The following ZNF250 variants were observed in gnomAD, a reference collection of about 807,000 sequenced individuals.
The protein encoded by ZNF250 is zinc finger protein 250.
ZNF250 carries 13 observed loss-of-function variants against 37.1 expected under a neutral mutation model. The ratio of observed to expected loss-of-function variants is 0.35; its 90% CI spans 0.23 to 0.56. ZNF250 has a LOEUF of 0.56. ZNF250 is among the 20% of genes least tolerant of loss of function. ZNF250 has a pLI of 0.87. For missense variants in ZNF250, 474 were observed against 697.9 expected (o/e 0.68, Z 3.61); for synonymous variants, 251 against 265.6 (o/e 0.94, Z 0.54).
chr8:144,893,802 C>T (rs1200488581), intron 1 of ZNF250, among the ~76,000 whole-genome samples: 1 of 152,196 alleles, frequency 6.6e-6, no homozygotes, highest in East Asian at 1.9e-4. Flanking sequence ...AGCCAGTTCT[C>T]TTGACACAGG....
Position 144,882,893 on chromosome 8 carries a change from T to A in ZNF250, c.347-57A>T. 6.5e-7 allele frequency: 1 copy of A among 1,548,044 alleles called. No homozygotes were observed. Among genetic ancestry groups the A allele is most frequent in the African/African-American group, 1.4e-5 (1 of 72,756 alleles). On this transcript the variant is annotated intron_variant, in intron 5 of 5. Coordinates refer to ENST00000417550, the MANE Select transcript of ZNF250 (RefSeq NM_001109689.4). The surrounding 1 kb of genome is among the most constrained non-coding windows in gnomAD (Gnocchi z 5.5). ...ACACTACTCAAAACTGAAGAGCTAGTGCAACCCTGAAACTGGCCTTGCTGA... is the reference window on the plus strand; with the variant it reads ...ACACTACTCAAAACTGAAGAGCTAGAGCAACCCTGAAACTGGCCTTGCTGA...
At chr8:144,886,982 C>A in intron 4 of ZNF250, 80 bp from the exon 5 acceptor site, 1 of 1,302,912 alleles carries the variant, frequency 7.7e-7, no homozygotes. Context: ...CATGGTGGCT[C>A]ACGTCTGTAA....
chr8:144,890,460 GGGGCCCTCAGGGGATCCCT>G lies in ZNF250; in HGVS notation c.-54-76_-54-58del. The G allele has an allele frequency of 9.8e-7, 1 of 1,020,360 alleles. No individual in the cohort carries two copies. Among genetic ancestry groups the G allele is most frequent in the Non-Finnish European group, 1.4e-6 (1 of 737,312 alleles). The allele number at this position is 1,020,360 out of a possible 1,614,324, so 63.2% of individuals were successfully genotyped here. The stretch of plus-strand genomic sequence containing the variant: ...TGGCCTTGAGACCGTAACTTCCTAG[GGGGCCCTCAGGGGATCCCT>G]GGGCCTCATTCAGAGTCACTGAGGG... On this transcript the variant is annotated intron_variant, in intron 1 of 5. Transcript: ENST00000417550. This position sits in a 1 kb window ranked among gnomAD's most constrained non-coding sequence, Gnocchi z 5.1.
chr8:144,880,853 G>C lies in ZNF250; in HGVS notation c.*662C>G, dbSNP rs1470854423. ...ACTGCACTGCAGCTTGGGCAACAGA[G>C]CAAGACTATCTCCACACACACATAC... On this transcript the variant is annotated 3_prime_UTR_variant, in exon 6 of 6. Coordinates refer to ENST00000417550, the MANE Select transcript of ZNF250 (RefSeq NM_001109689.4). The C allele has an allele frequency of 5.2e-6, 1 of 191,828 alleles. No individual in the cohort carries two copies. The highest frequency in any genetic ancestry group is 5.4e-5 in the Admixed American group (1 of 18,684). The allele number at this position is 191,828 out of a possible 1,614,324, so 11.9% of individuals were successfully genotyped here. A position where few individuals can be genotyped will look rare whatever the true frequency, so the allele number is the denominator to read the frequency against.
chr8:144,880,491 T>G lies in ZNF250; in HGVS notation c.*1024A>C, dbSNP rs1486850378. 7 of 456,574 alleles carry G rather than the reference T, an allele frequency of 1.5e-5. No individual in the cohort carries two copies. The highest frequency in any genetic ancestry group is 1.1e-4 in the South Asian group (7 of 64,572). The allele number at this position is 456,574 out of a possible 1,614,324, so 28.3% of individuals were successfully genotyped here. ...TCATAAGGGCAAGTTTTGAGGAAAA[T>G]ACCCATTTTTGAGTTGAATTTTTAC... On this transcript the variant is annotated 3_prime_UTR_variant, in exon 6 of 6. Transcript: ENST00000417550.
chr8:144,883,050 G>A (rs544114745), intron 5 of ZNF250, among the ~76,000 whole-genome samples: 8 of 152,228 alleles, frequency 5.3e-5, no homozygotes, highest in Non-Finnish European at 1.0e-4. Context: ...CAAGCTTTAA[G>A]AGAAAGGTGT....
At position 144,897,582 on chromosome 8, in the gene ZNF250, C is replaced by T. The variant is rs201882827; in HGVS notation, c.-55+3817G>A. On this transcript the variant is annotated intron_variant, in intron 1 of 5. Transcript: ENST00000417550. This position sits in a 1 kb window ranked among gnomAD's most constrained non-coding sequence, Gnocchi z 5.2. ...GGTCAGGTGCTGAGACCAGCTCGGT[C>T]GGGGAGACCCTAACCCAGCGGCGCT... is the stretch of plus-strand genomic sequence containing the variant. Among the ~76,000 whole-genome samples the T allele has an allele frequency of 5.3e-5, 8 of 152,214 alleles. No individual in the cohort carries two copies. The South Asian group carries it at 1.2e-3, about 24-fold the overall frequency.
intron 5 of ZNF250, among the ~76,000 whole-genome samples, chr8:144,886,529 T>C (rs1290096201): frequency 2.0e-5 from 3 of 152,194 alleles, no homozygotes; most frequent in African/African-American, 7.2e-5. Flanking sequence ...TGGTTTTGGT[T>C]GTTAAGTATA....
intron 4 of ZNF250, among the ~76,000 whole-genome samples, chr8:144,887,682 C>T (rs1831993779): frequency 6.6e-6 from 1 of 152,180 alleles, no homozygotes; most frequent in African/African-American, 2.4e-5. Context: ...CACAAGGGAG[C>T]CCAGGACTGG....
At chr8:144,892,813 C>T (rs958147687) in intron 1 of ZNF250, among the ~76,000 whole-genome samples, 2 of 151,460 alleles carry the variant, frequency 1.3e-5, no homozygotes, top group Non-Finnish European at 2.9e-5. Context: ...CCGCCTTGGC[C>T]TCCCAAAGTG....
At chr8:144,883,371 GCT>G (rs1455954263) in intron 5 of ZNF250, among the ~76,000 whole-genome samples, 1 of 149,138 alleles carries the variant, frequency 6.7e-6, no homozygotes. Context: ...AAGGAGCCTT[GCT>G]CTGTTATCCA....
chr8:144,895,387 C>T (rs1275286868), intron 1 of ZNF250, among the ~76,000 whole-genome samples: 1 of 152,132 alleles, frequency 6.6e-6, no homozygotes, highest in Non-Finnish European at 1.5e-5. Context: ...GACTGGTTCA[C>T]CTGCCTCACT....
At chr8:144,900,382 C>G (rs1833019624) in intron 1 of ZNF250, among the ~76,000 whole-genome samples, 2 of 152,142 alleles carry the variant, frequency 1.3e-5, no homozygotes, top group African/African-American at 4.8e-5. Context: ...TCAAACGACA[C>G]CAGCTTCCCT....
At chr8:144,899,157 G>A (rs1832924132) in intron 1 of ZNF250, among the ~76,000 whole-genome samples, 1 of 151,960 alleles carries the variant, frequency 6.6e-6, no homozygotes, top group African/African-American at 2.4e-5. Flanking sequence ...GTTTTCACTC[G>A]TATGTGTGAG....
In ZNF250 at chr8:144,879,729, T is replaced by C. The variant is rs1831333132; in HGVS notation, c.*1786A>G. 6.6e-6 allele frequency: 1 copy of C among 152,280 alleles called. No individual in the cohort carries two copies. Among genetic ancestry groups the C allele is most frequent in the Non-Finnish European group, 1.5e-5 (1 of 68,076 alleles). The allele number at this position is 152,280 out of a possible 1,614,324, so 9.4% of individuals were successfully genotyped here. ...TTGAACCTCATACATTTGTTTCGTTTGCAGCTGGCTGCTACTAGAAATGGT... is the reference window on the plus strand; with the variant it reads ...TTGAACCTCATACATTTGTTTCGTTCGCAGCTGGCTGCTACTAGAAATGGT... On this transcript the variant is annotated 3_prime_UTR_variant, in exon 6 of 6. Transcript: ENST00000417550.
At chr8:144,885,473 G>A (rs1831806194) in intron 5 of ZNF250, among the ~76,000 whole-genome samples, 1 of 150,126 alleles carries the variant, frequency 6.7e-6, no homozygotes, top group African/African-American at 2.4e-5. Context: ...CTCTATGTGG[G>A]TTTTTTTTTG....
At chr8:144,894,589 C>CTT (rs370237954) in intron 1 of ZNF250, among the ~76,000 whole-genome samples, 12 of 141,820 alleles carry the variant, frequency 8.5e-5, no homozygotes, top group Admixed American at 3.5e-4. Flanking sequence ...AGTGGTCGAC[C>CTT]TTTTTTTTTT....
rs1232397397 is a variant in ZNF250 at position 144,901,187 on chromosome 8, G to A, written c.-55+212C>T. ...GAGGGGGTCCAAGGCCGGGCGAGGG[G>A]AAGGGTGGGAACCCCGAACGGGGGA... On this transcript the variant is annotated intron_variant, in intron 1 of 5. Transcript: ENST00000417550. The surrounding 1 kb of genome is among the most constrained non-coding windows in gnomAD (Gnocchi z 5.4). 2.0e-5 allele frequency: 3 copies of A among 152,314 alleles called. No individual in the cohort carries two copies. Among genetic ancestry groups the A allele is most frequent in the Non-Finnish European group, 4.4e-5 (3 of 68,168 alleles). 9.4% of individuals were successfully genotyped at this position (152,314 alleles called of 1,614,324 possible).
rs1479439743 is a variant in ZNF250 at position 144,896,679 on chromosome 8, T to G, written c.-55+4720A>C. Among the ~76,000 whole-genome samples, 4 of 152,258 alleles carry G rather than the reference T, an allele frequency of 2.6e-5. No individual in the cohort carries two copies. The South Asian group carries it at 6.2e-4, about 24-fold the overall frequency. ...ACACAGTTCAGGCAGGGAAGGAGGA[T>G]GATGTGGACAGTTTTAAAAAATTAA... On this transcript the variant is annotated intron_variant, in intron 1 of 5. Transcript: ENST00000417550.
Sources: allele counts gnomAD v4.1 joint callset (sites outside exome capture counted in the v4.1 genomes callset), GRCh38; gene constraint gnomAD v4.1.1; non-coding constraint Gnocchi (gnomAD v3.1); transcripts MANE v1.5; gene names NCBI Gene and HGNC (gene_info 2026-07-23, HGNC 2026-07-21).